Variants in GRID1 observed in about 807,000 individuals in gnomAD.
The protein encoded by GRID1 is glutamate ionotropic receptor delta type subunit 1, also known as glutamate receptor ionotropic, delta-1.
In GRID1, 28 loss-of-function variants were observed where a neutral mutation model predicts 98.0. The observed-to-expected ratio is 0.29, with a 90% CI of 0.21 to 0.39. GRID1 has a LOEUF of 0.39. Ranked by LOEUF, GRID1 falls within the 10% of genes least tolerant of loss-of-function variation. GRID1 has a pLI of 1.00. For missense variants in GRID1, 1,111 were observed against 1,340.5 expected (o/e 0.83, Z 2.67); for synonymous variants, 553 against 538.5 (o/e 1.03, Z -0.37).
intron 8 of GRID1, among the ~76,000 whole-genome samples, chr10:85,834,191 A>G (rs1316371207): frequency 6.6e-6 from 1 of 152,220 alleles, no homozygotes; most frequent in Non-Finnish European, 1.5e-5. Context: ...TCATAATAAA[A>G]CTTCTGAAAA....
chr10:85,671,687 A>T (rs1040747948), intron 12 of GRID1, among the ~76,000 whole-genome samples: 1 of 152,232 alleles, frequency 6.6e-6, no homozygotes, highest in South Asian at 2.1e-4. Context: ...TCTAGAAATG[A>T]TTACACTTAG....
At chr10:85,662,058 C>A (rs1397518268) in intron 12 of GRID1, among the ~76,000 whole-genome samples, 2 of 152,182 alleles carry the variant, frequency 1.3e-5, no homozygotes, top group African/African-American at 4.8e-5. Flanking sequence ...AGGAACACAG[C>A]CACCTGTGTT....
intron 2 of GRID1, among the ~76,000 whole-genome samples, chr10:86,270,685 G>A (rs917464946): frequency 1.4e-4 from 22 of 152,040 alleles, no homozygotes; most frequent in South Asian, 4.2e-4. Flanking sequence ...GCGAGACTCC[G>A]TCTCAAAAAA....
intron 4 of GRID1, among the ~76,000 whole-genome samples, chr10:86,128,852 TG>T (rs1844794125): frequency 6.6e-6 from 1 of 152,226 alleles, no homozygotes; most frequent in African/African-American, 2.4e-5. Context: ...GGGCATGTTC[TG>T]GGTACCCATA....
chr10:85,667,583 T>A (rs1355416525), intron 12 of GRID1, among the ~76,000 whole-genome samples: 1 of 152,170 alleles, frequency 6.6e-6, no homozygotes, highest in Non-Finnish European at 1.5e-5. Flanking sequence ...CCATTCAATA[T>A]CGGATCCAGC....
chr10:86,175,340 CAAA>C (rs55758704), intron 3 of GRID1, among the ~76,000 whole-genome samples: 15 of 105,656 alleles, frequency 1.4e-4, no homozygotes, highest in Non-Finnish European at 1.0e-4. Context: ...CTCAATAAAG[CAAA>C]AAAAAAAAAA....
At chr10:85,953,880 T>C (rs1396244728) in intron 4 of GRID1, among the ~76,000 whole-genome samples, 4 of 152,324 alleles carry the variant, frequency 2.6e-5, no homozygotes, top group Admixed American at 2.0e-4. Flanking sequence ...TGTGGGACAA[T>C]GTTTTCCTAT....
intron 4 of GRID1, among the ~76,000 whole-genome samples, chr10:86,041,174 C>A (rs768526238): frequency 2.2e-4 from 33 of 152,234 alleles, no homozygotes; most frequent in South Asian, 2.1e-4. Context: ...CCTCCCAGAG[C>A]TCCTTGGTCC....
At chr10:86,352,251 G>A (rs1848473889) in intron 2 of GRID1, among the ~76,000 whole-genome samples, 1 of 152,202 alleles carries the variant, frequency 6.6e-6, no homozygotes, top group South Asian at 2.1e-4. Flanking sequence ...TTTGGGCACT[G>A]TAGCCCTAAG....
chr10:86,136,168 G>A (rs1844921814), intron 4 of GRID1, among the ~76,000 whole-genome samples: 1 of 152,238 alleles, frequency 6.6e-6, no homozygotes, highest in South Asian at 2.1e-4. Flanking sequence ...AGGTGGTGAG[G>A]AAGGCTTCGT....
intron 12 of GRID1, among the ~76,000 whole-genome samples, chr10:85,713,117 A>G (rs994115572): frequency 1.3e-5 from 2 of 151,710 alleles, no homozygotes; most frequent in Non-Finnish European, 3.0e-5. Context: ...AAGGTCAATG[A>G]AACTAAGATT....
At chr10:86,014,327 T>A (rs1425669800) in intron 4 of GRID1, among the ~76,000 whole-genome samples, 1 of 152,234 alleles carries the variant, frequency 6.6e-6, no homozygotes, top group Non-Finnish European at 1.5e-5. Flanking sequence ...AAAGAAGAAA[T>A]GCCTAATAAT....
chr10:86,178,263 A>ATT (rs5786732), intron 3 of GRID1, among the ~76,000 whole-genome samples: 3 of 151,924 alleles, frequency 2.0e-5, no homozygotes, highest in Admixed American at 6.6e-5. Context: ...ATTATTGAGC[A>ATT]TTTTTTTTCT....
intron 4 of GRID1, among the ~76,000 whole-genome samples, chr10:86,020,755 G>A (rs1468721329): frequency 6.6e-6 from 1 of 152,204 alleles, no homozygotes; most frequent in Non-Finnish European, 1.5e-5. Flanking sequence ...AGGCCCCACA[G>A]GATAAGGCCT....
At chr10:85,844,284 G>A (rs1293023004) in intron 8 of GRID1, among the ~76,000 whole-genome samples, 1 of 151,992 alleles carries the variant, frequency 6.6e-6, no homozygotes, top group Non-Finnish European at 1.5e-5. Context: ...AGAAGGGCAG[G>A]GAGGTATGAG....
chr10:86,028,206 TC>T (rs772802428), intron 4 of GRID1, among the ~76,000 whole-genome samples: 1 of 152,208 alleles, frequency 6.6e-6, no homozygotes, highest in Non-Finnish European at 1.5e-5. Flanking sequence ...CCTAGCCTGC[TC>T]CCACTGCATA....
At chr10:86,075,646 CT>C (rs1843870562) in intron 4 of GRID1, among the ~76,000 whole-genome samples, 1 of 152,184 alleles carries the variant, frequency 6.6e-6, no homozygotes, top group Non-Finnish European at 1.5e-5. Flanking sequence ...CTTCCCATGC[CT>C]AGACACTGCC....
chr10:86,353,141 C>T (rs970999657), intron 2 of GRID1, among the ~76,000 whole-genome samples: 1 of 152,226 alleles, frequency 6.6e-6, no homozygotes, highest in Non-Finnish European at 1.5e-5. Flanking sequence ...ACAAAAGCGA[C>T]CAAGTCCCTC....
At chr10:86,357,702 C>T (rs1041200418) in intron 2 of GRID1, among the ~76,000 whole-genome samples, 3 of 152,152 alleles carry the variant, frequency 2.0e-5, no homozygotes, top group African/African-American at 7.2e-5. Context: ...GAAGGAGAAC[C>T]CTGACACCTG....
Sources: allele counts gnomAD v4.1 joint callset (sites outside exome capture counted in the v4.1 genomes callset), GRCh38; gene constraint gnomAD v4.1.1; transcripts MANE v1.5; gene names NCBI Gene and HGNC (gene_info 2026-07-23, HGNC 2026-07-21).